CALD1: variants seen among roughly 807,000 people sequenced by gnomAD.
The protein encoded by CALD1 is caldesmon.
A neutral mutation model predicts 99.9 loss-of-function variants in CALD1; 33 were observed. The ratio of observed to expected loss-of-function variants is 0.33; its 90% CI spans 0.25 to 0.44. CALD1 has a LOEUF of 0.44. CALD1 is among the 20% of genes least tolerant of loss of function. CALD1 has a pLI of 1.00. For missense variants in CALD1, 861 were observed against 962.1 expected (o/e 0.89, Z 1.39); for synonymous variants, 310 against 325.0 (o/e 0.95, Z 0.50).
intron 2 of CALD1, among the ~76,000 whole-genome samples, chr7:134,844,713 C>G (rs1002093475): frequency 1.7e-4 from 26 of 152,286 alleles, no homozygotes; most frequent in African/African-American, 5.8e-4. Flanking sequence ...GGGTAGAAGT[C>G]TGAGATCAAA....
At position 134,960,014 on chromosome 7, in the gene CALD1, A is replaced by G. The variant is rs902117101; in HGVS notation, c.2102A>G (p.Asp701Gly). The G allele has an allele frequency of 5.0e-6, 8 of 1,614,034 alleles. No individual in the cohort carries two copies. The African/African-American group carries it at 9.3e-5, about 19-fold the overall frequency. ...SAKPTKPAAS[D>G]LPVPAEGVRN... is the part of the protein sequence containing the mutation. ...AAACCTACAAAGCCGGCAGCCTCGG[A>G]TCTTCCTGTTCCTGCTGAAGGTGTA... is the stretch of plus-strand genomic sequence containing the variant. The change falls in exon 12 of 15, where the codon GAT becomes GGT. Residue 701 changes from aspartate to glycine, a missense_variant. Asp to Gly is a moderately conservative substitution (Grantham distance 94). Around this residue, in one of 5 missense-constraint regions of CALD1, gnomAD observed 190 missense variants for 249.0 expected, o/e 0.76. Transcript: ENST00000361675.
At chr7:134,836,747 A>G (rs1799458340) in intron 1 of CALD1, among the ~76,000 whole-genome samples, 1 of 152,178 alleles carries the variant, frequency 6.6e-6, no homozygotes, top group Non-Finnish European at 1.5e-5. Context: ...TCTCTTTCCT[A>G]TTTGCTTCAG....
At chr7:134,736,336 CTA>C in the CALD1 span, among the ~76,000 whole-genome samples, 1 of 152,144 alleles carries the variant, frequency 6.6e-6, no homozygotes, top group Non-Finnish European at 1.5e-5. Flanking sequence ...GAATACTTGC[CTA>C]TGTCTGTAAG....
At position 134,924,056 on chromosome 7, in the gene CALD1, G is replaced by A. The variant is rs4728342; in HGVS notation, c.72-4698G>A. Among the ~76,000 whole-genome samples the A allele has an allele frequency of 1.6e-3, 251 of 152,258 alleles. 7 individuals are homozygous for A. The highest frequency in any genetic ancestry group is 0.016 in the East Asian group (85 of 5,190). On this transcript the variant is annotated intron_variant, in intron 3 of 14. Coordinates refer to ENST00000361675, the MANE Select transcript of CALD1 (RefSeq NM_033138.4). ...TCATTATGTATGTGTATACCTAAGTGGTAATACTGTGTTGCTATTGAAATT... is the reference window on the plus strand; with the variant it reads ...TCATTATGTATGTGTATACCTAAGTAGTAATACTGTGTTGCTATTGAAATT...
At chr7:134,750,572 T>C (rs934915072) in intron 1 of CALD1, among the ~76,000 whole-genome samples, 3 of 152,188 alleles carry the variant, frequency 2.0e-5, no homozygotes, top group African/African-American at 7.2e-5. Flanking sequence ...AGGTACATGT[T>C]TGACTATGTT....
intron 3 of CALD1, among the ~76,000 whole-genome samples, chr7:134,901,996 T>G (rs1803033536): frequency 6.6e-6 from 1 of 152,084 alleles, no homozygotes; most frequent in Non-Finnish European, 1.5e-5. Context: ...GTATACAATT[T>G]GACCCATCAT....
chr7:134,892,794 G>A (rs933856511), intron 3 of CALD1, among the ~76,000 whole-genome samples: 4 of 152,156 alleles, frequency 2.6e-5, no homozygotes, highest in African/African-American at 9.7e-5. Flanking sequence ...TAAAGAAAAG[G>A]TTTGGGATCT....
At chr7:134,876,673 G>T (rs1331777927) in intron 3 of CALD1, among the ~76,000 whole-genome samples, 1 of 152,144 alleles carries the variant, frequency 6.6e-6, no homozygotes, top group African/African-American at 2.4e-5. Context: ...TATCAATTTT[G>T]GAAGTCTTTT....
At chr7:134,947,399 C>A in intron 7 of CALD1, 109 bp from the exon 8 acceptor site, 1 of 1,123,630 alleles carries the variant, frequency 8.9e-7, no homozygotes, top group Non-Finnish European at 1.3e-6. Flanking sequence ...TAATGAGAGG[C>A]AGTGGGTATT....
chr7:134,960,361 G>T (rs748023816), intron 12 of CALD1, 172 bp from the exon 13 acceptor site: 16 of 647,598 alleles, frequency 2.5e-5, no homozygotes, highest in Non-Finnish European at 4.0e-5. Context: ...AGTTGGAGTG[G>T]GGTGAGTTAC....
intron 1 of CALD1, among the ~76,000 whole-genome samples, chr7:134,826,098 A>T (rs1169681840): frequency 6.6e-6 from 1 of 152,152 alleles, no homozygotes; most frequent in East Asian, 1.9e-4. Context: ...TGTTTACTTT[A>T]AAAATTTTAA....
intron 1 of CALD1, among the ~76,000 whole-genome samples, chr7:134,747,703 A>C (rs60084443): frequency 0.044 from 6,765 of 152,300 alleles, 470 homozygotes; most frequent in African/African-American, 0.14. Context: ...AGGTGGCTCC[A>C]GTGCAGCATG....
intron 1 of CALD1, among the ~76,000 whole-genome samples, chr7:134,780,373 C>A (rs1277052074): frequency 6.6e-6 from 1 of 151,068 alleles, no homozygotes; most frequent in Non-Finnish European, 1.5e-5. Context: ...ACAGAAGATG[C>A]CTAGGCTGGT....
At chr7:134,772,902 G>A (rs1190632255) in intron 1 of CALD1, among the ~76,000 whole-genome samples, 1 of 152,030 alleles carries the variant, frequency 6.6e-6, no homozygotes, top group Non-Finnish European at 1.5e-5. Context: ...TACCATTATG[G>A]GACTCTTTCA....
At chr7:134,841,044 G>A (rs1038190222) in intron 1 of CALD1, among the ~76,000 whole-genome samples, 1 of 152,132 alleles carries the variant, frequency 6.6e-6, no homozygotes, top group African/African-American at 2.4e-5. Context: ...GAACTTGGTT[G>A]AACTTGTTTT....
At chr7:134,813,610 C>T (rs1419803514) in intron 1 of CALD1, among the ~76,000 whole-genome samples, 3 of 152,160 alleles carry the variant, frequency 2.0e-5, no homozygotes, top group East Asian at 3.9e-4. Context: ...TATCTGATTG[C>T]CTCTATTTTC....
intron 1 of CALD1, among the ~76,000 whole-genome samples, chr7:134,767,367 C>T (rs1796836547): frequency 6.6e-6 from 1 of 152,086 alleles, no homozygotes; most frequent in South Asian, 2.1e-4. Context: ...AATATTTTTC[C>T]GATCTTAAAA....
chr7:134,843,319 C>T (rs1450338773), intron 1 of CALD1, among the ~76,000 whole-genome samples: 2 of 152,186 alleles, frequency 1.3e-5, no homozygotes, highest in African/African-American at 4.8e-5. Context: ...AGATCTTAAA[C>T]AGGGAGTAAG....
At chr7:134,910,040 G>A (rs1256108072) in intron 3 of CALD1, among the ~76,000 whole-genome samples, 1 of 151,998 alleles carries the variant, frequency 6.6e-6, no homozygotes, top group African/African-American at 2.4e-5. Context: ...TTGGAGTTAG[G>A]GCTACTAATA....
Sources: gnomAD v4.1 joint callset for allele counts (sites outside exome capture counted in the v4.1 genomes callset) on GRCh38, gnomAD v4.1.1 for gene constraint, gnomAD v4.1.1 regional missense constraint, MANE v1.5 for transcripts, NCBI Gene and HGNC (gene_info 2026-07-23, HGNC 2026-07-21) for gene names.